The following VPS13B variants were observed in gnomAD, a reference collection of about 807,000 sequenced individuals.
VPS13B encodes vacuolar protein sorting 13 homolog B.
VPS13B carries 285 observed loss-of-function variants against 426.4 expected under a neutral mutation model. That is an observed-to-expected ratio of 0.67 (90% CI 0.61 to 0.74). The LOEUF (loss-of-function observed/expected upper bound fraction) is 0.74. Among genes scored for constraint, VPS13B ranks in the 30% least tolerant of loss-of-function variants. The pLI, the probability that VPS13B is intolerant of heterozygous loss-of-function variation, is 0.00. For synonymous variants in VPS13B, 1,676 were observed against 1,676.4 expected (o/e 1.00, Z 0.01); for missense variants, 4,537 against 4,782.6 (o/e 0.95, Z 1.51).
rs752514763 is a variant in VPS13B at position 99,442,467 on chromosome 8, T to G, written c.3277T>G (p.Ser1093Ala). Residue 1093 changes from serine to alanine, a missense_variant, in exon 23 of 62, where the codon TCT (serine) becomes GCT (alanine). By Grantham distance (99) the Ser-to-Ala change is moderately conservative. Around this residue, in one of 2 missense-constraint regions of VPS13B, gnomAD observed 4,311 missense variants for 4,474.3 expected, o/e 0.96. Coordinates refer to ENST00000357162, the MANE Select transcript of VPS13B (RefSeq NM_152564.5). ...DSLPSPSTIV[S>A]GDIPGTVRSW... ...CCTGCCTTCCCCAAGTACAATTGTA[T>G]CTGGTGACATTCCTGGAACAGTAAG... The G allele has an allele frequency of 4.3e-6, 7 of 1,614,024 alleles. No homozygotes were observed. In the Admixed American group the frequency reaches 1.0e-4, roughly 23 times the overall value.
intron 51 of VPS13B, among the ~76,000 whole-genome samples, chr8:99,830,357 G>C (rs1388572908): frequency 6.6e-6 from 1 of 152,182 alleles, no homozygotes; most frequent in Non-Finnish European, 1.5e-5. Context: ...GCTGTGGTGG[G>C]CTCTTCCCAG....
chr8:99,389,885 G>A (rs1006424925), intron 20 of VPS13B, among the ~76,000 whole-genome samples: 3 of 152,074 alleles, frequency 2.0e-5, no homozygotes, highest in African/African-American at 7.2e-5. Context: ...TAGAGTATAA[G>A]AGGTTTTCTA....
intron 17 of VPS13B, among the ~76,000 whole-genome samples, chr8:99,270,151 T>TTTTTTTTTTTTTTTA (rs1818510457): frequency 8.6e-6 from 1 of 115,712 alleles, no homozygotes; most frequent in Non-Finnish European, 1.8e-5. Flanking sequence ...TTTTTTTTTT[T>TTTTTTTTTTTTTTTA]TTTTTTGAGA....
chr8:99,565,924 G>C (rs1231795332), intron 31 of VPS13B, among the ~76,000 whole-genome samples: 1 of 152,104 alleles, frequency 6.6e-6, no homozygotes, highest in Non-Finnish European at 1.5e-5. Flanking sequence ...TGCCTAGATT[G>C]ACCTAAACCT....
At chr8:99,590,983 A>G (rs1246558267) in intron 33 of VPS13B, among the ~76,000 whole-genome samples, 1 of 151,948 alleles carries the variant, frequency 6.6e-6, no homozygotes, top group Non-Finnish European at 1.5e-5. Context: ...GTCTCTTTGT[A>G]TGTCTCTGAG....
chr8:99,639,305 C>G (rs1195546760), intron 33 of VPS13B, among the ~76,000 whole-genome samples: 1 of 151,854 alleles, frequency 6.6e-6, no homozygotes, highest in East Asian at 1.9e-4. Flanking sequence ...CTAAGATCAC[C>G]AAGAAGGAAA....
chr8:99,167,915 C>T (rs1255527419), intron 15 of VPS13B, among the ~76,000 whole-genome samples: 1 of 152,066 alleles, frequency 6.6e-6, no homozygotes, highest in Non-Finnish European at 1.5e-5. Context: ...TGTGAGCTAT[C>T]CTTCATGAAA....
intron 39 of VPS13B, among the ~76,000 whole-genome samples, chr8:99,743,483 A>G (rs1279309108): frequency 1.3e-5 from 2 of 152,096 alleles, no homozygotes; most frequent in African/African-American, 4.8e-5. Context: ...TTTAAAGTTC[A>G]TATGGAACCA....
At chr8:99,316,393 C>T (rs1330896030) in intron 19 of VPS13B, among the ~76,000 whole-genome samples, 1 of 152,120 alleles carries the variant, frequency 6.6e-6, no homozygotes, top group Non-Finnish European at 1.5e-5. Flanking sequence ...GACCTGGATT[C>T]TCAAAGTGGT....
intron 2 of VPS13B, among the ~76,000 whole-genome samples, chr8:99,017,784 G>A (rs1408066672): frequency 6.6e-6 from 1 of 152,036 alleles, no homozygotes; most frequent in Admixed American, 6.5e-5. Context: ...GAGCCACCAC[G>A]CCCAGCCTAT....
chr8:99,159,806 A>G (rs1053562549), intron 15 of VPS13B, among the ~76,000 whole-genome samples: 7 of 152,070 alleles, frequency 4.6e-5, no homozygotes, highest in Non-Finnish European at 1.0e-4. Context: ...CCACAGGTAC[A>G]CATGCCCATG....
chr8:99,821,514 A>G (rs1220025234), intron 50 of VPS13B, 32 bp downstream of exon 50: 11 of 1,612,166 alleles, frequency 6.8e-6, no homozygotes, highest in Non-Finnish European at 8.5e-6. Flanking sequence ...CTGGGAGGAA[A>G]TAGCATGCCA....
At chr8:99,271,194 TAACTAC>T (rs2132983046) in intron 17 of VPS13B, among the ~76,000 whole-genome samples, 1 of 129,078 alleles carries the variant, frequency 7.7e-6, no homozygotes, top group South Asian at 2.9e-4. Flanking sequence ...CTGCTACCAC[TAACTAC>T]TACTACTACT....
At chr8:99,448,041 T>C (rs899815651) in intron 23 of VPS13B, among the ~76,000 whole-genome samples, 1 of 151,734 alleles carries the variant, frequency 6.6e-6, no homozygotes, top group Admixed American at 6.6e-5. Flanking sequence ...GTTTTTCAAG[T>C]ACATCAAGAA....
intron 3 of VPS13B, among the ~76,000 whole-genome samples, chr8:99,087,600 A>G (rs1411946894): frequency 6.9e-6 from 1 of 145,716 alleles, no homozygotes; most frequent in East Asian, 2.0e-4. Context: ...TCTTGGCTCC[A>G]CCCACTGTTT....
intron 33 of VPS13B, among the ~76,000 whole-genome samples, chr8:99,639,677 T>TG (rs934908108): frequency 1.3e-5 from 2 of 148,634 alleles, no homozygotes; most frequent in African/African-American, 4.9e-5. Flanking sequence ...TATAAAAATA[T>TG]GTTTTTTTTT....
At chr8:99,298,258 G>A (rs1820152864) in intron 19 of VPS13B, among the ~76,000 whole-genome samples, 1 of 152,216 alleles carries the variant, frequency 6.6e-6, no homozygotes, top group Non-Finnish European at 1.5e-5. Context: ...CGAGGCCGAG[G>A]TGGGTGGATC....
At chr8:99,854,378 C>T in intron 56 of VPS13B, 122 bp downstream of exon 56, 1 of 1,104,546 alleles carries the variant, frequency 9.1e-7, no homozygotes, top group Non-Finnish European at 1.3e-6. Flanking sequence ...CACCTGAGCT[C>T]TACAGTTACA....
In VPS13B at chr8:99,840,472, C is replaced by A. The variant is rs560544438; in HGVS notation, c.9942+4734C>A. Among the ~76,000 whole-genome samples the A allele has an allele frequency of 2.6e-5, 4 of 152,226 alleles. No individual in the cohort carries two copies. The East Asian group carries it at 7.7e-4, about 29-fold the overall frequency. ...TTATGTCATCCATAGATGTGGTGAG[C>A]GTGCATTCTACATGTTCATCCAGGT... On this transcript the variant is annotated intron_variant, in intron 54 of 61. Coordinates refer to ENST00000357162, the MANE Select transcript of VPS13B (RefSeq NM_152564.5).
Sources: allele counts gnomAD v4.1 joint callset (sites outside exome capture counted in the v4.1 genomes callset), GRCh38; gene constraint gnomAD v4.1.1; regional missense constraint gnomAD v4.1.1; transcripts MANE v1.5; gene names NCBI Gene and HGNC (gene_info 2026-07-23, HGNC 2026-07-21).